SOX5: variants seen among roughly 807,000 people sequenced by gnomAD.
The protein encoded by SOX5 is transcription factor SOX-5.
Under a neutral mutation model 92.0 loss-of-function variants are expected in SOX5, and 9 were observed. That is an observed-to-expected ratio of 0.10 (90% CI 0.06 to 0.17). The LOEUF is 0.17. SOX5 is among the 10% of genes least tolerant of loss of function. The pLI is 1.00. For synonymous variants in SOX5, 344 were observed against 336.3 expected (o/e 1.02, Z -0.25); for missense variants, 642 against 944.5 (o/e 0.68, Z 4.20).
Position 23,576,669 on chromosome 12 carries a change from G to A in SOX5, c.1165-831C>T, listed in dbSNP as rs936092611. Among the ~76,000 whole-genome samples, 15 of 151,912 alleles carry A rather than the reference G, an allele frequency of 9.9e-5. No homozygotes were observed. In the East Asian group the frequency reaches 1.5e-3, roughly 16 times the overall value. Reference sequence around the variant, plus strand: ...CACAGTTTATACTCAATTTTAAATCGTTCTCTTAGGTAATTTCATACATGA... The same window carrying A: ...CACAGTTTATACTCAATTTTAAATCATTCTCTTAGGTAATTTCATACATGA... On this transcript the variant is annotated intron_variant, in intron 9 of 14. Coordinates refer to ENST00000451604, the MANE Select transcript of SOX5 (RefSeq NM_006940.6).
intron 4 of SOX5, among the ~76,000 whole-genome samples, chr12:23,962,059 TG>T (rs1947005653): frequency 6.6e-6 from 1 of 152,140 alleles, no homozygotes; most frequent in African/African-American, 2.4e-5. Context: ...GTAGAGCATC[TG>T]GTAGAGGTTT....
At chr12:24,400,093 C>T (rs1056253058) in intron 1 of SOX5, among the ~76,000 whole-genome samples, 1 of 152,138 alleles carries the variant, frequency 6.6e-6, no homozygotes, top group Admixed American at 6.6e-5. Flanking sequence ...CATAATTCAG[C>T]ATATTCATGA....
chr12:23,803,526 C>T lies in SOX5; in HGVS notation c.481+42457G>A, dbSNP rs544384694. Among the ~76,000 whole-genome samples the T allele has an allele frequency of 1.2e-4, 18 of 152,244 alleles. No individual in the cohort carries two copies. The South Asian group carries it at 2.9e-3, about 25-fold the overall frequency. On this transcript the variant is annotated intron_variant, in intron 3 of 14. Coordinates refer to ENST00000451604, the MANE Select transcript of SOX5 (RefSeq NM_006940.6). Reference sequence around the variant, plus strand: ...CTTGATTTTTCCCTATTCTGATAGCCTACTAATGAATTGCCCTACCTTTGA... The same window carrying T: ...CTTGATTTTTCCCTATTCTGATAGCTTACTAATGAATTGCCCTACCTTTGA...
At chr12:23,780,970 G>T (rs1055227163) in intron 3 of SOX5, among the ~76,000 whole-genome samples, 1 of 151,992 alleles carries the variant, frequency 6.6e-6, no homozygotes, top group Non-Finnish European at 1.5e-5. Context: ...AATCAGGGAA[G>T]ATTCTAGAGG....
At chr12:23,857,138 T>G (rs2096701735) in intron 2 of SOX5, among the ~76,000 whole-genome samples, 1 of 151,966 alleles carries the variant, frequency 6.6e-6, no homozygotes, top group Non-Finnish European at 1.5e-5. Flanking sequence ...ATGAAGGAAG[T>G]GGCTTAACCA....
intron 3 of SOX5, among the ~76,000 whole-genome samples, chr12:24,270,435 T>C (rs1288490937): frequency 1.3e-5 from 2 of 152,206 alleles, no homozygotes; most frequent in African/African-American, 4.8e-5. Context: ...TTTATACTAT[T>C]TGCCAGGATA....
rs150886877 is a variant in SOX5, at chr12:24,444,771, T to C, written c.-250-76132A>G. 3.8e-3 allele frequency among the ~76,000 whole-genome samples: 572 copies of C among 152,296 alleles called. 5 individuals carry two copies. Among genetic ancestry groups the C allele is most frequent in the African/African-American group, 0.013 (535 of 41,552 alleles). On this transcript the variant is annotated intron_variant, in intron 1 of 4. Coordinates refer to the SOX5 transcript ENST00000446891. The stretch of plus-strand genomic sequence containing the variant: ...GCCCACTGTCTCAGTTCAAGACAGC[T>C]TGGAAGGGCCATCCTAACTCCAGAG...
intron 1 of SOX5, among the ~76,000 whole-genome samples, chr12:24,416,005 C>T (rs1964952150): frequency 6.6e-6 from 1 of 152,174 alleles, no homozygotes; most frequent in Admixed American, 6.5e-5. Context: ...TTACAGAAAA[C>T]TTATCCTGGA....
chr12:24,320,395 G>A (rs901429937), intron 2 of SOX5, among the ~76,000 whole-genome samples: 1 of 152,022 alleles, frequency 6.6e-6, no homozygotes, highest in African/African-American at 2.4e-5. Flanking sequence ...TTGTAACGAT[G>A]TCACACTAAA....
At chr12:24,401,569 G>T (rs1961616209) in intron 1 of SOX5, among the ~76,000 whole-genome samples, 1 of 151,480 alleles carries the variant, frequency 6.6e-6, no homozygotes, top group Admixed American at 6.6e-5. Flanking sequence ...AATTAACCTT[G>T]CATGGTGGCA....
intron 4 of SOX5, among the ~76,000 whole-genome samples, chr12:23,741,610 C>T (rs957080989): frequency 6.6e-6 from 1 of 152,060 alleles, no homozygotes. Flanking sequence ...ATTCAGAATT[C>T]TATGTTAAAA....
intron 3 of SOX5, among the ~76,000 whole-genome samples, chr12:23,773,650 G>A (rs1235630031): frequency 1.3e-5 from 2 of 152,096 alleles, no homozygotes; most frequent in African/African-American, 4.8e-5. Flanking sequence ...GGGATTACAG[G>A]CGTGAGCCAC....
intron 1 of SOX5, among the ~76,000 whole-genome samples, chr12:24,476,717 G>T (rs933167305): frequency 3.9e-5 from 6 of 152,006 alleles, no homozygotes; most frequent in Non-Finnish European, 7.4e-5. Context: ...TAGAGTGGGA[G>T]TTCCTTGAGA....
chr12:23,906,507 C>T (rs189397591), intron 1 of SOX5, among the ~76,000 whole-genome samples: 4 of 152,250 alleles, frequency 2.6e-5, no homozygotes, highest in South Asian at 2.1e-4. Flanking sequence ...GGCGTGACAG[C>T]GCCAGACTGG....
At chr12:23,771,939 G>A (rs2094948120) in intron 3 of SOX5, among the ~76,000 whole-genome samples, 1 of 152,142 alleles carries the variant, frequency 6.6e-6, no homozygotes, top group African/African-American at 2.4e-5. Flanking sequence ...GTTCAGACTA[G>A]CACCCAAATT....
chr12:23,734,397 T>C (rs974818174), intron 6 of SOX5, among the ~76,000 whole-genome samples: 2 of 152,176 alleles, frequency 1.3e-5, no homozygotes, highest in African/African-American at 4.8e-5. Flanking sequence ...TAGACACGTT[T>C]TAACATTAAA....
chr12:23,678,279 T>C (rs1264818761), intron 6 of SOX5, among the ~76,000 whole-genome samples: 1 of 152,120 alleles, frequency 6.6e-6, no homozygotes, highest in Non-Finnish European at 1.5e-5. Flanking sequence ...GCACATTACT[T>C]GCAAAAATCT....
chr12:23,896,123 T>A, intron 1 of SOX5, 99 bp from the exon 2 acceptor site: 1 of 810,804 alleles, frequency 1.2e-6, no homozygotes, highest in East Asian at 2.5e-5. Context: ...AATGCCTTTT[T>A]GTGCTAGCAG....
intron 6 of SOX5, among the ~76,000 whole-genome samples, chr12:23,715,827 A>ACC (rs1555285803): frequency 4.0e-5 from 6 of 151,328 alleles, no homozygotes; most frequent in African/African-American, 1.5e-4. Flanking sequence ...AAAAAAAAAA[A>ACC]AAAAAACTTG....
Sources: gnomAD v4.1 joint callset for allele counts (sites outside exome capture counted in the v4.1 genomes callset) on GRCh38, gnomAD v4.1.1 for gene constraint, MANE v1.5 for transcripts, NCBI Gene and HGNC (gene_info 2026-07-23, HGNC 2026-07-21) for gene names.